SUCO: variants seen among roughly 807,000 people sequenced by gnomAD.
SUCO encodes SUN domain-containing ossification factor.
A neutral mutation model predicts 148.1 loss-of-function variants in SUCO; 57 were observed. The ratio of observed to expected loss-of-function variants is 0.38; its 90% CI spans 0.31 to 0.48. The LOEUF is 0.48. Ranked by LOEUF, SUCO falls within the 20% of genes least tolerant of loss-of-function variation. The pLI, the probability that SUCO is intolerant of heterozygous loss-of-function variation, is 0.96. For missense variants in SUCO, 1,331 were observed against 1,468.2 expected (o/e 0.91, Z 1.53); for synonymous variants, 470 against 502.7 (o/e 0.93, Z 0.87).
At chr1:172,604,070 CTT>C (rs1307934823) in intron 22 of SUCO, among the ~76,000 whole-genome samples, 1 of 151,838 alleles carries the variant, frequency 6.6e-6, no homozygotes, top group Non-Finnish European at 1.5e-5. Context: ...TGAATTTGCC[CTT>C]CTATCAGCTG....
chr1:172,557,228 T>C, intron 4 of SUCO, 52 bp from the exon 5 acceptor site: 3 of 1,584,126 alleles, frequency 1.9e-6, no homozygotes, highest in Non-Finnish European at 2.6e-6. Context: ...TTAATGTATA[T>C]TACCTCAAGT....
At chr1:172,574,236 G>C (rs1277536522) in intron 10 of SUCO, among the ~76,000 whole-genome samples, 1 of 152,004 alleles carries the variant, frequency 6.6e-6, no homozygotes, top group Non-Finnish European at 1.5e-5. Flanking sequence ...ATAATGTGGG[G>C]AAACAGAAAA....
At chr1:172,599,940 A>G (rs973374580) in intron 19 of SUCO, 124 bp from the exon 20 acceptor site, 4 of 649,264 alleles carry the variant, frequency 6.2e-6, no homozygotes, top group Non-Finnish European at 1.0e-5. Flanking sequence ...TTACTCATTG[A>G]GATTCCTATT....
intron 6 of SUCO, among the ~76,000 whole-genome samples, chr1:172,563,692 G>C (rs1326737495): frequency 6.6e-6 from 1 of 152,146 alleles, no homozygotes; most frequent in Non-Finnish European, 1.5e-5. Flanking sequence ...CCTGACTTGT[G>C]GTAGAAAAGA....
intron 11 of SUCO, chr1:172,577,136 T>C: frequency 2.9e-6 from 1 of 347,576 alleles, no homozygotes; most frequent in African/African-American, 2.2e-5. Flanking sequence ...TGTGCATATA[T>C]ATCAATATAT....
intron 19 of SUCO, among the ~76,000 whole-genome samples, chr1:172,595,055 T>C (rs1340853781): frequency 1.3e-5 from 2 of 152,236 alleles, no homozygotes; most frequent in African/African-American, 4.8e-5. Flanking sequence ...CTTTGTCTCT[T>C]TTGATCTTTG....
chr1:172,602,357 A>G, intron 21 of SUCO, 139 bp downstream of exon 21: 1 of 1,415,148 alleles, frequency 7.1e-7, no homozygotes, highest in Non-Finnish European at 9.2e-7. Context: ...CATTAAAAAC[A>G]TCATTCGATA....
At position 172,585,030 on chromosome 1, in the gene SUCO, A is replaced by G; in HGVS notation, c.1511A>G (p.Asn504Ser). The G allele has an allele frequency of 1.2e-6, 2 of 1,601,350 alleles. No homozygotes were observed. Among genetic ancestry groups the G allele is most frequent in the Admixed American group, 1.7e-5 (1 of 59,008 alleles). Residue 504 changes from asparagine (N) to serine (S), a missense_variant, in exon 16 of 24, where the codon AAT (asparagine) becomes AGT (serine). This residue lies in a region of SUCO where 992 missense variants were observed against 1,093.5 expected (regional missense o/e 0.91). Transcript: ENST00000263688. ...AATTTTGTTTTAGATGCCATTCTAA[A>G]TATGGTGAATATTGCTGCTAATATT... The part of the protein sequence containing the change: ...LLGSATNAIL[N>S]MVNIAANILG...
intron 18 of SUCO, 80 bp downstream of exon 18, chr1:172,590,006 G>C (rs1263341758): frequency 3.3e-6 from 4 of 1,194,550 alleles, no homozygotes; most frequent in Non-Finnish European, 4.5e-6. Flanking sequence ...GATTACAGGA[G>C]AGGATTTAAT....
chr1:172,561,941 C>G (rs534657961), intron 6 of SUCO, among the ~76,000 whole-genome samples: 4 of 152,272 alleles, frequency 2.6e-5, no homozygotes, highest in South Asian at 2.1e-4. Flanking sequence ...CTGTAGCCCC[C>G]CAACAGACTG....
chr1:172,564,448 A>C (rs1345366671), intron 6 of SUCO, among the ~76,000 whole-genome samples: 1 of 152,106 alleles, frequency 6.6e-6, no homozygotes, highest in Non-Finnish European at 1.5e-5. Flanking sequence ...TGGTTGTTTA[A>C]AAGTGTGTTG....
intron 16 of SUCO, 42 bp downstream of exon 16, chr1:172,585,128 C>T (rs1656147010): frequency 1.4e-6 from 2 of 1,401,960 alleles, no homozygotes; most frequent in East Asian, 2.4e-5. Flanking sequence ...GCTGGTACTC[C>T]AGGGATCCTT....
In SUCO at chr1:172,536,469, T is replaced by G. The variant is rs141729957; in HGVS notation, c.62+2972T>G. On this transcript the variant is annotated intron_variant, in intron 1 of 23. Transcript: ENST00000263688. ...ACAGTAACAGCGTATTATGTAAATA[T>G]TTCATCATAACATTATTCAACCACA... is the stretch of plus-strand genomic sequence containing the variant. 3.6e-3 allele frequency among the ~76,000 whole-genome samples: 542 copies of G among 152,278 alleles called. 1 individual carries two copies. Among genetic ancestry groups the G allele is most frequent in the Non-Finnish European group, 6.4e-3 (438 of 68,004 alleles).
chr1:172,608,796 A>G lies in SUCO; in HGVS notation c.3315A>G (p.Glu1105=). 2 of 1,569,550 alleles carry G rather than the reference A, an allele frequency of 1.3e-6. No individual in the cohort carries two copies. The highest frequency in any genetic ancestry group is 1.7e-6 in the Non-Finnish European group (2 of 1,146,646). ...YIVEPLKFSP[E]KKKKRCKYKI... is the part of the protein sequence containing the mutation. ...TAGAACCCCTCAAGTTTTCTCCAGA[A>G]AAGAAGGTAATTGTTTATTTCTTTT... Residue 1105 remains glutamate (E), a synonymous_variant, in exon 23 of 24, where the codon GAA becomes GAG. Transcript: ENST00000263688.
At chr1:172,599,323 C>A (rs966977285) in intron 19 of SUCO, 2 of 315,436 alleles carry the variant, frequency 6.3e-6, no homozygotes, top group Non-Finnish European at 9.2e-6. Context: ...AGCGAGACTC[C>A]GTCTCAAAAA....
intron 22 of SUCO, chr1:172,608,511 T>G (rs1657999787): frequency 3.9e-6 from 2 of 512,484 alleles, no homozygotes; most frequent in African/African-American, 4.0e-5. Flanking sequence ...TAAGGAAGTA[T>G]AGTTATTTGA....
chr1:172,537,782 G>A (rs192315702), intron 1 of SUCO, among the ~76,000 whole-genome samples: 15 of 152,236 alleles, frequency 9.9e-5, no homozygotes, highest in African/African-American at 3.6e-4. Flanking sequence ...CATACATTTG[G>A]CAAATATAAC....
At chr1:172,599,181 T>C (rs1657330640) in intron 19 of SUCO, among the ~76,000 whole-genome samples, 1 of 151,992 alleles carries the variant, frequency 6.6e-6, no homozygotes, top group Admixed American at 6.5e-5. Flanking sequence ...TACAAATAAT[T>C]AGCCGGGCAT....
intron 19 of SUCO, among the ~76,000 whole-genome samples, chr1:172,595,109 T>A (rs945979793): frequency 6.6e-6 from 1 of 152,208 alleles, no homozygotes; most frequent in African/African-American, 2.4e-5. Flanking sequence ...TTGTAACCCC[T>A]GCTTTTTTTT....
Sources: allele counts gnomAD v4.1 joint callset (sites outside exome capture counted in the v4.1 genomes callset), GRCh38; gene constraint gnomAD v4.1.1; regional missense constraint gnomAD v4.1.1; transcripts MANE v1.5; gene names NCBI Gene and HGNC (gene_info 2026-07-23, HGNC 2026-07-21).